Variants in CD96 observed in about 807,000 individuals in gnomAD.
The protein encoded by CD96 is CD96 molecule, also known as T-cell surface protein tactile.
In CD96, 70 loss-of-function variants were observed where a neutral mutation model predicts 71.3. The ratio of observed to expected loss-of-function variants is 0.98; its 90% confidence interval spans 0.81 to 1.20. CD96 has a LOEUF of 1.20. CD96 is among the 50% of genes most tolerant of loss of function. CD96 has a pLI of 0.00. For missense variants in CD96, 742 were observed against 677.5 expected, an observed-to-expected ratio of 1.10 and a Z score of -1.06; for synonymous variants, 248 against 233.0, an observed-to-expected ratio of 1.06 and a Z score of -0.59.
chr3:111,617,831 G>C (rs572871517), intron 8 of CD96, among the ~76,000 whole-genome samples: 1 of 152,332 alleles, frequency 6.6e-6, no homozygotes, highest in African/African-American at 2.4e-5. Context: ...CACATTGCAA[G>C]CAATGAGAAG....
chr3:111,550,528 C>T (rs1934645139), intron 2 of CD96, among the ~76,000 whole-genome samples: 1 of 151,408 alleles, frequency 6.6e-6, no homozygotes, highest in African/African-American at 2.4e-5. Flanking sequence ...AAATAATAAA[C>T]CAAGGTTTCT....
At chr3:111,579,320 G>T (rs1936363585) in intron 4 of CD96, 86 bp downstream of exon 4, 2 of 815,082 alleles carry the variant, frequency 2.5e-6, no homozygotes, top group Non-Finnish European at 4.4e-6. Context: ...CTATTATGCT[G>T]CAGAGCAGCC....
chr3:111,598,600 C>T (rs1487007349), intron 6 of CD96, among the ~76,000 whole-genome samples: 2 of 152,172 alleles, frequency 1.3e-5, no homozygotes, highest in African/African-American at 4.8e-5. Flanking sequence ...GTTCAATTAA[C>T]TTAGCACCGC....
chr3:111,615,486 A>G (rs1938184221), intron 8 of CD96, among the ~76,000 whole-genome samples: 1 of 152,238 alleles, frequency 6.6e-6, no homozygotes, highest in African/African-American at 2.4e-5. Context: ...AACATGTTGT[A>G]TTCTATTATT....
downstream of CD96, among the ~76,000 whole-genome samples, chr3:111,654,642 G>C (rs896162253): frequency 1.3e-5 from 2 of 152,204 alleles, no homozygotes; most frequent in South Asian, 2.1e-4. Context: ...AGGGACACTG[G>C]GGGGAATAAT....
At chr3:111,576,189 A>G (rs1402763029) in intron 3 of CD96, among the ~76,000 whole-genome samples, 2 of 152,248 alleles carry the variant, frequency 1.3e-5, no homozygotes, top group Non-Finnish European at 2.9e-5. Flanking sequence ...AGAAATACTT[A>G]TTAATATTTT....
chr3:111,565,628 T>A (rs1227844463), intron 2 of CD96, among the ~76,000 whole-genome samples: 1 of 151,996 alleles, frequency 6.6e-6, no homozygotes, highest in South Asian at 2.1e-4. Context: ...ATAGTAGAGA[T>A]GGTATAGAAA....
intron 5 of CD96, among the ~76,000 whole-genome samples, chr3:111,595,928 G>A (rs1488073091): frequency 6.6e-6 from 1 of 152,010 alleles, no homozygotes; most frequent in Non-Finnish European, 1.5e-5. Flanking sequence ...TTGGGAGGCC[G>A]AGGCAGGTGG....
chr3:111,613,612 T>C (rs1576390864), intron 8 of CD96, among the ~76,000 whole-genome samples: 2 of 152,234 alleles, frequency 1.3e-5, no homozygotes. Context: ...GTCCAGTTAA[T>C]GTCACTACTG....
intron 7 of CD96, among the ~76,000 whole-genome samples, chr3:111,603,444 CA>C (rs770327298): frequency 0.056 from 7,450 of 132,246 alleles, 518 homozygotes; most frequent in African/African-American, 0.17. Flanking sequence ...GGCTTTGTCT[CA>C]AAAAAAAAAA....
intron 8 of CD96, among the ~76,000 whole-genome samples, chr3:111,611,408 AT>A (rs1937927963): frequency 6.6e-6 from 1 of 152,214 alleles, no homozygotes; most frequent in South Asian, 2.1e-4. Context: ...ATTAGATGAG[AT>A]TAGAAGAAAG....
intron 5 of CD96, among the ~76,000 whole-genome samples, chr3:111,586,310 T>C (rs1936711190): frequency 1.3e-5 from 2 of 152,234 alleles, no homozygotes; most frequent in South Asian, 4.1e-4. Flanking sequence ...CATTCTAGTT[T>C]CTTCTCGCAC....
At chr3:111,612,815 C>CT (rs964767358) in intron 8 of CD96, 6 of 957,372 alleles carry the variant, frequency 6.3e-6, no homozygotes, top group Non-Finnish European at 7.5e-6. Flanking sequence ...TAATCTCTCC[C>CT]TTTTTCAGAC....
intron 8 of CD96, among the ~76,000 whole-genome samples, chr3:111,608,483 G>C (rs558962041): frequency 6.6e-6 from 1 of 152,222 alleles, no homozygotes; most frequent in African/African-American, 2.4e-5. Context: ...AAAAGGCAAT[G>C]TGGTTTGATC....
chr3:111,647,634 A>C lies in CD96; in HGVS notation c.1569A>C (p.Gly523=), dbSNP rs755496929. 1 of 1,611,300 alleles carries C rather than the reference A, an allele frequency of 6.2e-7. No individual in the cohort carries two copies. Among genetic ancestry groups the C allele is most frequent in the South Asian group, 1.1e-5 (1 of 91,022 alleles). ...GCTGCATGATATTGTTTGGTCTTGG[A>C]GTGAGAAAATGGTGTCAGTACCAAA... ...LFCCMILFGL[G]VRKWCQYQKE... is the part of the protein sequence containing the mutation. Residue 523 remains glycine, a synonymous_variant, in exon 13 of 14, where the codon GGA becomes GGC. Coordinates refer to ENST00000352690, the MANE Select transcript of CD96 (RefSeq NM_005816.5).
chr3:111,555,704 G>T (rs1468169460), intron 2 of CD96, among the ~76,000 whole-genome samples: 4 of 152,274 alleles, frequency 2.6e-5, no homozygotes, highest in Admixed American at 2.0e-4. Flanking sequence ...GTGTCTTTTG[G>T]CTTTCAGAAG....
Position 111,638,234 on chromosome 3 carries a change from C to A in CD96, c.1477+66C>A. On this transcript the variant is annotated intron_variant, in intron 12 of 13. Coordinates refer to ENST00000352690, the MANE Select transcript of CD96 (RefSeq NM_005816.5). ...TCACTCAATAAATATTTATCAAGTA[C>A]CTGCCATTTGCCAGGCATTATGCCA... The A allele has an allele frequency of 1.9e-5, 19 of 1,003,116 alleles. 1 individual carries two copies. The South Asian group carries it at 2.2e-4, about 11-fold the overall frequency. The allele number at this position is 1,003,116 out of a possible 1,614,324, so 62.1% of individuals were successfully genotyped here.
chr3:111,607,573 A>G (rs113106951), intron 8 of CD96, among the ~76,000 whole-genome samples: 1 of 152,392 alleles, frequency 6.6e-6, no homozygotes, highest in African/African-American at 2.4e-5. Flanking sequence ...AAGTAGAAGT[A>G]TGGCTCTCAT....
intron 10 of CD96, among the ~76,000 whole-genome samples, chr3:111,632,856 A>G (rs2107740193): frequency 6.6e-6 from 1 of 152,372 alleles, no homozygotes; most frequent in Non-Finnish European, 1.5e-5. Context: ...ATTTTCAGCA[A>G]ACTAATGCAG....
Sources: gnomAD v4.1 joint callset for allele counts (sites outside exome capture counted in the v4.1 genomes callset) on GRCh38, gnomAD v4.1.1 for gene constraint, MANE v1.5 for transcripts, NCBI Gene and HGNC (gene_info 2026-07-23, HGNC 2026-07-21) for gene names.